The following KIF18A variants were observed in gnomAD, a reference collection of about 807,000 sequenced individuals.
KIF18A encodes kinesin family member 18A.
In KIF18A, 67 loss-of-function variants were observed where a neutral mutation model predicts 103.3. That is an observed-to-expected ratio of 0.65 (90% confidence interval 0.53 to 0.79). The LOEUF is 0.79. KIF18A is among the 30% of genes least tolerant of loss of function. The pLI is 0.00. For missense variants in KIF18A, 1,032 were observed against 1,062.5 expected, an observed-to-expected ratio of 0.97 and a Z score of 0.40; for synonymous variants, 367 against 355.5, an observed-to-expected ratio of 1.03 and a Z score of -0.36.
intron 1 of KIF18A, among the ~76,000 whole-genome samples, chr11:28,100,158 C>CT (rs35050903): frequency 8.6e-5 from 13 of 151,856 alleles, no homozygotes; most frequent in African/African-American, 3.1e-4. Context: ...AGAAGCAGGG[C>CT]TTTTTTCAGC....
chr11:28,070,116 A>G (rs1234464876), intron 10 of KIF18A, among the ~76,000 whole-genome samples: 2 of 152,170 alleles, frequency 1.3e-5, no homozygotes, highest in Non-Finnish European at 2.9e-5. Context: ...CACAGACACT[A>G]AAGTCAATAA....
At chr11:28,046,739 G>A (rs1256609364) in intron 13 of KIF18A, among the ~76,000 whole-genome samples, 44 of 131,496 alleles carry the variant, frequency 3.3e-4, no homozygotes, top group Admixed American at 2.8e-3. Context: ...GAAATTAAAT[G>A]AAAAAAAAAA....
intron 1 of KIF18A, among the ~76,000 whole-genome samples, chr11:28,103,906 A>T (rs1851474838): frequency 6.6e-6 from 1 of 152,168 alleles, no homozygotes; most frequent in African/African-American, 2.4e-5. Flanking sequence ...ATCATGTTTT[A>T]TTTTCATCAT....
Position 28,058,906 on chromosome 11 carries a change from A to G in KIF18A, c.1948+20T>C. ...TTAGAAATAATGTTACTATTTACTT[A>G]AAACGAAAGTTATACTTACAACAAG... On this transcript the variant is annotated intron_variant, in intron 13 of 16. Transcript: ENST00000263181. 1 of 1,587,720 alleles carries G rather than the reference A, an allele frequency of 6.3e-7. No individual in the cohort carries two copies. The highest frequency in any genetic ancestry group is 8.6e-7 in the Non-Finnish European group (1 of 1,157,464).
chr11:28,054,827 T>C (rs916885883), intron 13 of KIF18A, among the ~76,000 whole-genome samples: 1 of 152,212 alleles, frequency 6.6e-6, no homozygotes, highest in East Asian at 1.9e-4. Flanking sequence ...AAATGTAACA[T>C]GGCTTCAAGT....
At chr11:28,068,508 G>A (rs951436259) in intron 11 of KIF18A, among the ~76,000 whole-genome samples, 34 of 149,750 alleles carry the variant, frequency 2.3e-4, no homozygotes, top group Non-Finnish European at 8.9e-5. Context: ...TCTTTTCAGA[G>A]TGTCTTCTAT....
chr11:28,088,455 A>G, intron 6 of KIF18A, 69 bp downstream of exon 6: 2 of 1,295,584 alleles, frequency 1.5e-6, no homozygotes, highest in Non-Finnish European at 2.2e-6. Flanking sequence ...ACAAAATCAT[A>G]TTAAATAGTA....
At chr11:28,079,665 C>T (rs2133549574) in intron 9 of KIF18A, among the ~76,000 whole-genome samples, 1 of 152,062 alleles carries the variant, frequency 6.6e-6, no homozygotes, top group Middle Eastern at 3.4e-3. Context: ...ATAAGTTTAC[C>T]TTTACTCAAT....
chr11:28,107,830 TC>T (rs2133575806), intron 1 of KIF18A, among the ~76,000 whole-genome samples: 1 of 152,340 alleles, frequency 6.6e-6, no homozygotes, highest in South Asian at 2.1e-4. Context: ...CTTAAGGAGA[TC>T]CCTGCCCTTC....
At position 28,023,833 on chromosome 11, in the gene KIF18A, G is replaced by A. The variant is rs369809315; in HGVS notation, c.2522C>T (p.Ser841Leu). ...RKLTSSTSNSSLTADVNSGFA... is the reference protein window; with the variant it reads ...RKLTSSTSNSLLTADVNSGFA... ...TCCAGAATTTACGTCTGCAGTTAAC[G>A]AACTGTTTGATGTAGAACTTGAGAG... The change falls in exon 16 of 17, where the codon TCG becomes TTG. Residue 841 changes from serine (S) to leucine (L), a missense_variant. Physicochemically the swap from Ser to Leu is moderately radical, Grantham distance 145 (BLOSUM62 -2). Coordinates refer to ENST00000263181, the MANE Select transcript of KIF18A (RefSeq NM_031217.4). 21 of 1,608,818 alleles carry A rather than the reference G, an allele frequency of 1.3e-5. No homozygotes were observed. The highest frequency in any genetic ancestry group is 1.7e-5 in the Admixed American group (1 of 59,768).
intron 9 of KIF18A, 141 bp downstream of exon 9, chr11:28,082,715 T>A: frequency 1.8e-6 from 1 of 541,988 alleles, no homozygotes; most frequent in Non-Finnish European, 3.2e-6. Context: ...TATGTATGTA[T>A]GTATGTGTGT....
intron 10 of KIF18A, among the ~76,000 whole-genome samples, chr11:28,073,813 C>T (rs991827401): frequency 1.3e-5 from 2 of 152,114 alleles, no homozygotes; most frequent in Non-Finnish European, 2.9e-5. Context: ...TTCTTTACCT[C>T]CATTGTGTCA....
At chr11:28,040,892 G>C (rs976187562) in intron 13 of KIF18A, among the ~76,000 whole-genome samples, 2 of 151,732 alleles carry the variant, frequency 1.3e-5, no homozygotes, top group Non-Finnish European at 2.9e-5. Context: ...TGACCCATGG[G>C]ATGTAAGTGA....
intron 2 of KIF18A, among the ~76,000 whole-genome samples, chr11:28,095,469 C>G (rs1851356175): frequency 6.6e-6 from 1 of 152,212 alleles, no homozygotes; most frequent in Admixed American, 6.5e-5. Flanking sequence ...GTATATGCTG[C>G]ATATCCACAT....
intron 15 of KIF18A, among the ~76,000 whole-genome samples, chr11:28,033,791 A>G (rs1478754707): frequency 6.6e-6 from 1 of 151,622 alleles, no homozygotes; most frequent in Non-Finnish European, 1.5e-5. Flanking sequence ...CTAGTATTTG[A>G]TAGCACAACA....
intron 9 of KIF18A, among the ~76,000 whole-genome samples, chr11:28,080,824 G>A (rs1426993272): frequency 6.6e-6 from 1 of 152,170 alleles, no homozygotes; most frequent in African/African-American, 2.4e-5. Flanking sequence ...CGAAAAGCTA[G>A]GTCTCTTGCA....
chr11:28,090,645 G>A lies in KIF18A; in HGVS notation c.671C>T (p.Thr224Ile). Residue 224 changes from threonine to isoleucine, a missense_variant, in exon 5 of 17, where the codon ACA becomes ATA. Thr to Ile is a moderately conservative substitution (Grantham distance 89, BLOSUM62 -1). Coordinates refer to ENST00000263181, the MANE Select transcript of KIF18A (RefSeq NM_031217.4). ...RTQHPTDMNA[T>I]SSRSHAVFQI... is the part of the protein sequence containing the mutation. Reference sequence around the variant, plus strand: ...GAAAACAGCATGAGAACGAGAAGATGTGGCATTCATATCAGTGGGATGTTG... The same window carrying A: ...GAAAACAGCATGAGAACGAGAAGATATGGCATTCATATCAGTGGGATGTTG... 6.2e-7 allele frequency: 1 copy of A among 1,603,068 alleles called. No individual in the cohort carries two copies. The highest frequency in any genetic ancestry group is 1.1e-5 in the South Asian group (1 of 90,600).
chr11:28,022,772 C>A (rs1328270541), intron 16 of KIF18A, among the ~76,000 whole-genome samples: 3 of 152,132 alleles, frequency 2.0e-5, no homozygotes, highest in Admixed American at 6.5e-5. Context: ...AATTTGCTGT[C>A]TGATGCTTCA....
chr11:28,089,225 A>G (rs777760560), intron 5 of KIF18A, among the ~76,000 whole-genome samples: 18 of 152,216 alleles, frequency 1.2e-4, no homozygotes, highest in Admixed American at 3.9e-4. Flanking sequence ...TATAAAAAAG[A>G]TAGTACAGTC....
Sources: allele counts gnomAD v4.1 joint callset (sites outside exome capture counted in the v4.1 genomes callset), GRCh38; gene constraint gnomAD v4.1.1; transcripts MANE v1.5; gene names NCBI Gene and HGNC (gene_info 2026-07-23, HGNC 2026-07-21).